DENND4B: variants seen among roughly 807,000 people sequenced by gnomAD.
DENND4B encodes DENN domain-containing protein 4B.
A neutral mutation model predicts 161.0 loss-of-function variants in DENND4B; 67 were observed. That is an observed-to-expected ratio of 0.42 (90% CI 0.34 to 0.51). The LOEUF is 0.51. DENND4B is among the 20% of genes least tolerant of loss of function. The probability of loss-of-function intolerance (pLI) is 0.08; values close to 1 mark genes in which losing one functional copy is unlikely to be tolerated. For synonymous variants in DENND4B, 753 were observed against 813.8 expected, an observed-to-expected ratio of 0.93 and a Z score of 1.27; for missense variants, 1,481 against 1,968.0, an observed-to-expected ratio of 0.75 and a Z score of 4.68.
At position 153,933,163 on chromosome 1, in the gene DENND4B, T is replaced by C. The variant is rs1679072681; in HGVS notation, c.3453+34A>G. 1.2e-6 allele frequency: 2 copies of C among 1,612,314 alleles called. No homozygotes were observed. Among genetic ancestry groups the C allele is most frequent in the African/African-American group, 1.3e-5 (1 of 74,876 alleles). On this transcript the variant is annotated intron_variant, in intron 21 of 27. Transcript: ENST00000361217. This position sits in a 1 kb window ranked among gnomAD's most constrained non-coding sequence, Gnocchi z 5.7. The stretch of plus-strand genomic sequence containing the variant: ...CAGGGTGAGTGTGTGCTATGTGTGT[T>C]CAAGCACATCTGTGTGGGAGGGGTT...
chr1:153,937,791 T>C lies in DENND4B; in HGVS notation c.2038A>G (p.Thr680Ala). The C allele has an allele frequency of 6.2e-7, 1 of 1,613,958 alleles. No individual in the cohort carries two copies. Among genetic ancestry groups the C allele is most frequent in the Non-Finnish European group, 8.5e-7 (1 of 1,179,876 alleles). Residue 680 changes from threonine (T) to alanine (A), a missense_variant, in exon 14 of 28, where the codon ACT becomes GCT. By Grantham distance (58) the Thr-to-Ala change is moderately conservative. Around this residue, in one of 3 missense-constraint regions of DENND4B, gnomAD observed 806 missense variants for 1,134.4 expected, o/e 0.71. Coordinates refer to ENST00000361217, the MANE Select transcript of DENND4B (RefSeq NM_014856.3). This position sits in a 1 kb window ranked among gnomAD's most constrained non-coding sequence, Gnocchi z 4.7. ...TCCTCGGGAGGTGTGATAAAGACAG[T>C]GAGCTCACTTCCTGACAGCTCCTCT... Reference protein sequence around the residue: ...ELEELSGSELTVFITPPEEPA... With the variant: ...ELEELSGSELAVFITPPEEPA...
At position 153,940,360 on chromosome 1, in the gene DENND4B, C is replaced by A. The variant is rs370145451; in HGVS notation, c.1502+71G>T. Reference sequence around the variant, plus strand: ...TTGTGCCTGAAGCTCTTTTTGAGCCCGTAGCACTCCACACACTAGCCCATT... The same window carrying A: ...TTGTGCCTGAAGCTCTTTTTGAGCCAGTAGCACTCCACACACTAGCCCATT... On this transcript the variant is annotated intron_variant, in intron 10 of 27. Transcript: ENST00000361217. The surrounding 1 kb of genome is among the most constrained non-coding windows in gnomAD (Gnocchi z 5.6). 3.2e-6 allele frequency: 5 copies of A among 1,574,250 alleles called. No homozygotes were observed. The highest frequency in any genetic ancestry group is 1.2e-5 in the South Asian group (1 of 86,108).
Position 153,944,997 on chromosome 1 carries a change from C to CCAG in DENND4B, c.-23-603_-23-601dup. ...TAACTCCACCAATCTGGCCCAAAAT[C>CCAG]CAGTGTTCTCACACCTCCAGGATCC... On this transcript the variant is annotated intron_variant, in intron 1 of 27. Transcript: ENST00000361217. This position sits in a 1 kb window ranked among gnomAD's most constrained non-coding sequence, Gnocchi z 4.8. 1.0e-6 allele frequency: 1 copy of CCAG among 980,758 alleles called. No homozygotes were observed. Among genetic ancestry groups the CCAG allele is most frequent in the Non-Finnish European group, 1.3e-6 (1 of 751,076 alleles). The allele number at this position is 980,758 out of a possible 1,614,324, so 60.8% of individuals were successfully genotyped here. A position where few individuals can be genotyped will look rare whatever the true frequency, so the allele number is the denominator to read the frequency against.
rs1162497557 is a variant in DENND4B at position 153,944,214 on chromosome 1, G to A, written c.161C>T (p.Ala54Val). The A allele has an allele frequency of 1.2e-6, 2 of 1,608,684 alleles. No individual in the cohort carries two copies. Among genetic ancestry groups the A allele is most frequent in the African/African-American group, 2.7e-5 (2 of 74,956 alleles). The stretch of plus-strand genomic sequence containing the variant: ...GGGCACTTCCTCGCCCAGTGCCCTA[G>A]CGATGACTGCCACATCTGTGATGGG... ...AEPITDVAVIARALGEEVPQG... is the reference protein window; with the variant it reads ...AEPITDVAVIVRALGEEVPQG... Residue 54 changes from alanine (A) to valine (V), a missense_variant, in exon 2 of 28, where the codon GCT (alanine) becomes GTT (valine). Ala to Val is a moderately conservative substitution (Grantham distance 64). Coordinates refer to ENST00000361217, the MANE Select transcript of DENND4B (RefSeq NM_014856.3). The surrounding 1 kb of genome is among the most constrained non-coding windows in gnomAD (Gnocchi z 4.8).
Position 153,930,367 on chromosome 1 carries a change from C to T in DENND4B, c.4421G>A (p.Arg1474Gln), listed in dbSNP as rs573948345. Residue 1474 changes from arginine to glutamine, a missense_variant, in exon 28 of 28, where the codon CGG becomes CAG. Coordinates refer to ENST00000361217, the MANE Select transcript of DENND4B (RefSeq NM_014856.3). The surrounding 1 kb of genome is among the most constrained non-coding windows in gnomAD (Gnocchi z 4.7). ...SSMGKEELRH[R>Q]RAQMPTPKAI... ...CTTGGGAGTGGGCATCTGCGCCCGC[C>T]GGTGCCTCAGCTCCTCCTTGCCCAT... 5.0e-6 allele frequency: 8 copies of T among 1,614,048 alleles called. No homozygotes were observed. The highest frequency in any genetic ancestry group is 2.7e-5 in the African/African-American group (2 of 75,062).
In DENND4B at chr1:153,946,557, C is replaced by T. The variant is rs1213244834; in HGVS notation, c.-280G>A. ...GGGGACTGTGCTGCCGCGCTGCTCG[C>T]TCGGCCGGCTCGGTCCTCCCAGCTC... On this transcript the variant is annotated 5_prime_UTR_variant, in exon 1 of 28. Transcript: ENST00000361217. This position sits in a 1 kb window ranked among gnomAD's most constrained non-coding sequence, Gnocchi z 6.3. 2 of 389,240 alleles carry T rather than the reference C, an allele frequency of 5.1e-6. No homozygotes were observed. The highest frequency in any genetic ancestry group is 1.3e-4 in the South Asian group (1 of 7,812). 24.1% of individuals were successfully genotyped at this position (389,240 alleles called of 1,614,324 possible). A position where few individuals can be genotyped will look rare whatever the true frequency, so the allele number is the denominator to read the frequency against.
intron 13 of DENND4B, among the ~76,000 whole-genome samples, chr1:153,938,556 G>A (rs1679484238): frequency 6.6e-6 from 1 of 151,688 alleles, no homozygotes; most frequent in Non-Finnish European, 1.5e-5. Flanking sequence ...CAAAAAATTA[G>A]CCAGGCGTGG....
intron 8 of DENND4B, 80 bp from the exon 9 acceptor site, chr1:153,941,128 C>T (rs1679640043): frequency 6.4e-7 from 1 of 1,568,570 alleles, no homozygotes; most frequent in Admixed American, 1.9e-5. Flanking sequence ...ACAGCCACCA[C>T]CTGGACCCAG....
In DENND4B at chr1:153,942,370, A is replaced by G. The variant is rs1389217575; in HGVS notation, c.641-14T>C. On this transcript the variant is annotated splice_polypyrimidine_tract_variant and intron_variant, in intron 4 of 27. Transcript: ENST00000361217. This position sits in a 1 kb window ranked among gnomAD's most constrained non-coding sequence, Gnocchi z 6.9. Reference sequence around the variant, plus strand: ...GGCCCAGCAGCTCTGCACCCCCAGCATAGTTGGGGGTACCCAAAAGGAGCA... The same window carrying G: ...GGCCCAGCAGCTCTGCACCCCCAGCGTAGTTGGGGGTACCCAAAAGGAGCA... 2 of 1,607,566 alleles carry G rather than the reference A, an allele frequency of 1.2e-6. No homozygotes were observed. The highest frequency in any genetic ancestry group is 1.7e-6 in the Non-Finnish European group (2 of 1,176,494).
chr1:153,943,044 G>C lies in DENND4B; in HGVS notation c.404C>G (p.Pro135Arg). ...GGTGCGGGGGTGCCCGGGGCCTGGAGGGGCCAGGTTTGCTGAGTGGCTGTA... is the reference window on the plus strand; with the variant it reads ...GGTGCGGGGGTGCCCGGGGCCTGGACGGGCCAGGTTTGCTGAGTGGCTGTA... ...TPYSHSANLA[P>R]PGPGHPRTYL... The change falls in exon 3 of 28, where the codon CCT becomes CGT. Residue 135 changes from proline to arginine, a missense_variant. Physicochemically the swap from Pro to Arg is moderately radical, Grantham distance 103. Coordinates refer to ENST00000361217, the MANE Select transcript of DENND4B (RefSeq NM_014856.3). The C allele has an allele frequency of 6.2e-7, 1 of 1,614,042 alleles. No individual in the cohort carries two copies. Among genetic ancestry groups the C allele is most frequent in the Non-Finnish European group, 8.5e-7 (1 of 1,179,886 alleles).
At position 153,933,972 on chromosome 1, in the gene DENND4B, C is replaced by T. The variant is rs1679149976; in HGVS notation, c.2942-101G>A. On this transcript the variant is annotated intron_variant, in intron 19 of 27. Coordinates refer to ENST00000361217, the MANE Select transcript of DENND4B (RefSeq NM_014856.3). The surrounding 1 kb of genome is among the most constrained non-coding windows in gnomAD (Gnocchi z 5.7). ...TTCCTGGCTGCACAAACTCTGGTGC[C>T]ACCACCCCCACCATGATGATATTCT... 2 of 1,513,100 alleles carry T rather than the reference C, an allele frequency of 1.3e-6. No homozygotes were observed. The highest frequency in any genetic ancestry group is 2.8e-5 in the African/African-American group (2 of 70,924). 93.7% of individuals were successfully genotyped at this position (1,513,100 alleles called of 1,614,324 possible).
chr1:153,940,984 C>A lies in DENND4B; in HGVS notation c.1246G>T (p.Ala416Ser). 6.3e-7 allele frequency: 1 copy of A among 1,586,122 alleles called. No homozygotes were observed. Among genetic ancestry groups the A allele is most frequent in the Non-Finnish European group, 8.6e-7 (1 of 1,168,164 alleles). The stretch of plus-strand genomic sequence containing the variant: ...AGCAGCTTGTGCTCTGTGAGCACAG[C>A]CAGCAGCAGTGTGATAGCCAGCTCA... ...GPELAITLLLAVLTEHKLLVH... is the reference protein window; with the variant it reads ...GPELAITLLLSVLTEHKLLVH... Residue 416 changes from alanine to serine, a missense_variant, in exon 9 of 28, where the codon GCT (alanine) becomes TCT (serine). Coordinates refer to ENST00000361217, the MANE Select transcript of DENND4B (RefSeq NM_014856.3). The surrounding 1 kb of genome is among the most constrained non-coding windows in gnomAD (Gnocchi z 5.6).
Position 153,934,834 on chromosome 1 carries a change from T to TGCTGCTGCTGCTGTTGCC in DENND4B, c.2681_2698dup (p.Arg894_Gln899dup), listed in dbSNP as rs762717874. On this transcript the variant is annotated inframe_insertion, in exon 18 of 28. Transcript: ENST00000361217. The surrounding 1 kb of genome is among the most constrained non-coding windows in gnomAD (Gnocchi z 5.3). ...CTGCTGCTGCTGCTGCTGCTGTTGC[T>TGCTGCTGCTGCTGTTGCC]GCTGCTGCTGCTGTTGCCGTTCTCT... 6 of 1,606,872 alleles carry TGCTGCTGCTGCTGTTGCC rather than the reference T, an allele frequency of 3.7e-6. No homozygotes were observed. The highest frequency in any genetic ancestry group is 3.4e-6 in the Non-Finnish European group (4 of 1,174,136).
Position 153,930,954 on chromosome 1 carries a change from C to T in DENND4B, c.4107G>A (p.Arg1369=). Residue 1369 remains arginine (R), a synonymous_variant, in exon 25 of 28, where the codon AGG becomes AGA. Coordinates refer to ENST00000361217, the MANE Select transcript of DENND4B (RefSeq NM_014856.3). This position sits in a 1 kb window ranked among gnomAD's most constrained non-coding sequence, Gnocchi z 4.7. ...NSCPPLYVLW[R]VHSQIPQRVV... is the part of the protein sequence containing the mutation. ...GCCAAATACCAGACTCACTGTGGAC[C>T]CTCCAGAGCACATAGAGAGGTGGGC... 6.2e-7 allele frequency: 1 copy of T among 1,611,472 alleles called. No individual in the cohort carries two copies. Among genetic ancestry groups the T allele is most frequent in the Non-Finnish European group, 8.5e-7 (1 of 1,178,908 alleles).
chr1:153,935,953 G>C (rs1211303185), intron 17 of DENND4B, 107 bp downstream of exon 17: 27 of 1,423,098 alleles, frequency 1.9e-5, no homozygotes, highest in Non-Finnish European at 2.5e-5. Context: ...CCAGGACCTA[G>C]GCAAACAGTA....
At chr1:153,943,451 G>T (rs1055075127) in intron 2 of DENND4B, among the ~76,000 whole-genome samples, 1 of 152,202 alleles carries the variant, frequency 6.6e-6, no homozygotes, top group African/African-American at 2.4e-5. Context: ...GCCAAGGCAG[G>T]TGGATCACCT....
Position 153,932,623 on chromosome 1 carries a change from C to G in DENND4B, c.3759+19G>C. The G allele has an allele frequency of 6.2e-7, 1 of 1,605,976 alleles. No individual in the cohort carries two copies. Among genetic ancestry groups the G allele is most frequent in the South Asian group, 1.1e-5 (1 of 90,434 alleles). On this transcript the variant is annotated intron_variant, in intron 23 of 27. Coordinates refer to ENST00000361217, the MANE Select transcript of DENND4B (RefSeq NM_014856.3). The surrounding 1 kb of genome is among the most constrained non-coding windows in gnomAD (Gnocchi z 5.8). ...GGGCAACATTCCCGTTCCTCATGCCCCTTTGGCCCAGCCCTTACCCCCATG... is the reference window on the plus strand; with the variant it reads ...GGGCAACATTCCCGTTCCTCATGCCGCTTTGGCCCAGCCCTTACCCCCATG...
Position 153,941,234 on chromosome 1 carries a change from A to T in DENND4B, c.1178T>A (p.Leu393His). The change falls in exon 8 of 28, where the codon CTC becomes CAC. Residue 393 changes from leucine to histidine, a missense_variant. Transcript: ENST00000361217. ...LCQPVSSPLPLSGASFLQLLQ... is the reference protein window; with the variant it reads ...LCQPVSSPLPHSGASFLQLLQ... ...TCCCCACAATCTGATCACATACCTGAGGGGCAGGGGTGAGGATACAGGCTG... is the reference window on the plus strand; with the variant it reads ...TCCCCACAATCTGATCACATACCTGTGGGGCAGGGGTGAGGATACAGGCTG... 1 of 1,613,788 alleles carries T rather than the reference A, an allele frequency of 6.2e-7. No homozygotes were observed. The highest frequency in any genetic ancestry group is 8.5e-7 in the Non-Finnish European group (1 of 1,179,810).
rs748741795 is a variant in DENND4B at position 153,940,456 on chromosome 1, C to G, written c.1477G>C (p.Asp493His). ...HDPPADVICV[D>H]LDTNTLFQTE... Reference sequence around the variant, plus strand: ...TGGAAGAGCGTGTTGGTATCAAGGTCTACACAGATGACATCAGCAGGCGGG... The same window carrying G: ...TGGAAGAGCGTGTTGGTATCAAGGTGTACACAGATGACATCAGCAGGCGGG... Residue 493 changes from aspartate (D) to histidine (H), a missense_variant, in exon 10 of 28, where the codon GAC becomes CAC. Transcript: ENST00000361217. The surrounding 1 kb of genome is among the most constrained non-coding windows in gnomAD (Gnocchi z 5.6). 6.2e-7 allele frequency: 1 copy of G among 1,612,830 alleles called. No homozygotes were observed. The highest frequency in any genetic ancestry group is 8.5e-7 in the Non-Finnish European group (1 of 1,179,400).
Sources: allele counts gnomAD v4.1 joint callset (sites outside exome capture counted in the v4.1 genomes callset), GRCh38; gene constraint gnomAD v4.1.1; regional missense constraint gnomAD v4.1.1; non-coding constraint Gnocchi (gnomAD v3.1); transcripts MANE v1.5; gene names NCBI Gene and HGNC (gene_info 2026-07-23, HGNC 2026-07-21).